CMIP: variants seen among roughly 807,000 people sequenced by gnomAD.
CMIP encodes c-Maf inducing protein, also known as C-Maf-inducing protein.
In CMIP, 13 loss-of-function variants were observed where a neutral mutation model predicts 97.3. The observed-to-expected ratio is 0.13, with a 90% CI of 0.09 to 0.21. CMIP has a LOEUF of 0.21. CMIP is among the 10% of genes least tolerant of loss of function. CMIP has a pLI of 1.00. For synonymous variants in CMIP, 538 were observed against 436.3 expected, an observed-to-expected ratio of 1.23 and a Z score of -2.91; for missense variants, 847 against 1,024.9, an observed-to-expected ratio of 0.83 and a Z score of 2.37.
intron 1 of CMIP, among the ~76,000 whole-genome samples, chr16:81,454,657 G>A (rs747607547): frequency 6.6e-6 from 1 of 152,206 alleles, no homozygotes; most frequent in Non-Finnish European, 1.5e-5. Flanking sequence ...GTGCTCTCAG[G>A]CATGGCACTT....
chr16:81,658,098 C>T (rs1240142891), intron 5 of CMIP, among the ~76,000 whole-genome samples: 1 of 152,186 alleles, frequency 6.6e-6, no homozygotes, highest in Admixed American at 6.5e-5. Flanking sequence ...GAGTTGAAGG[C>T]AGGAGATGGC....
intron 3 of CMIP, among the ~76,000 whole-genome samples, chr16:81,642,851 G>A (rs1186152578): frequency 2.0e-5 from 3 of 152,072 alleles, no homozygotes; most frequent in South Asian, 2.1e-4. Context: ...AGTTGAGATC[G>A]CACCACTGCA....
chr16:81,518,725 G>T (rs1367256539), intron 1 of CMIP: 2 of 152,120 alleles, frequency 1.3e-5, no homozygotes, highest in Admixed American at 1.3e-4. Context: ...AATATAAAAG[G>T]CCAGGTTCAT....
At chr16:81,660,974 G>C in intron 6 of CMIP, 28 bp downstream of exon 6, 1 of 1,613,832 alleles carries the variant, frequency 6.2e-7, no homozygotes, top group Non-Finnish European at 8.5e-7. Flanking sequence ...TGGGGCTGTG[G>C]CTGCAGGAAG....
intron 1 of CMIP, among the ~76,000 whole-genome samples, chr16:81,551,055 C>G (rs2090646296): frequency 6.8e-6 from 1 of 148,026 alleles, no homozygotes; most frequent in Non-Finnish European, 1.5e-5. Context: ...ACACGCACCC[C>G]AGTCCCGTCA....
intron 3 of CMIP, among the ~76,000 whole-genome samples, chr16:81,641,855 G>C (rs1205473785): frequency 6.6e-6 from 1 of 152,188 alleles, no homozygotes; most frequent in Non-Finnish European, 1.5e-5. Context: ...AGGCATAGAG[G>C]TGCTCAGGTT....
chr16:81,454,207 C>T (rs1166840952), intron 1 of CMIP, among the ~76,000 whole-genome samples: 10 of 152,210 alleles, frequency 6.6e-5, no homozygotes, highest in African/African-American at 1.2e-4. Context: ...CGATATTTAT[C>T]GTATCCCTAC....
At chr16:81,485,609 C>T (rs558183901) in intron 1 of CMIP, among the ~76,000 whole-genome samples, 1 of 152,250 alleles carries the variant, frequency 6.6e-6, no homozygotes, top group East Asian at 1.9e-4. Flanking sequence ...AACTGATGGC[C>T]TATTTATTTA....
intron 13 of CMIP, among the ~76,000 whole-genome samples, chr16:81,694,901 T>G (rs1015444465): frequency 5.9e-5 from 9 of 152,354 alleles, no homozygotes; most frequent in Non-Finnish European, 8.8e-5. Flanking sequence ...ATGGTGCTTT[T>G]AAATGTCAGG....
chr16:81,652,876 G>C lies in CMIP; in HGVS notation c.639+512G>C, dbSNP rs1216766674. Among the ~76,000 whole-genome samples the C allele has an allele frequency of 6.6e-6, 1 of 152,146 alleles. No homozygotes were observed. Among genetic ancestry groups the C allele is most frequent in the Non-Finnish European group, 1.5e-5 (1 of 68,030 alleles). ...ATGCCACCCGTCGGCTGGGCCTCCT[G>C]TGCCATCTGCTTTGCTGGCCTCCTC... On this transcript the variant is annotated intron_variant, in intron 4 of 20. Coordinates refer to ENST00000537098, the MANE Select transcript of CMIP (RefSeq NM_198390.3). This position sits in a 1 kb window ranked among gnomAD's most constrained non-coding sequence, Gnocchi z 5.2.
At chr16:81,528,380 T>C (rs1044545436) in intron 1 of CMIP, among the ~76,000 whole-genome samples, 2 of 152,144 alleles carry the variant, frequency 1.3e-5, no homozygotes, top group African/African-American at 4.8e-5. Flanking sequence ...TGGATACATT[T>C]TTAAAAGCTG....
intron 14 of CMIP, among the ~76,000 whole-genome samples, chr16:81,699,221 A>G (rs953774856): frequency 1.3e-5 from 2 of 152,074 alleles, no homozygotes; most frequent in African/African-American, 4.8e-5. Context: ...ACCACTACAC[A>G]CTCCAGCCTG....
intron 17 of CMIP, among the ~76,000 whole-genome samples, chr16:81,702,880 C>T (rs751788409): frequency 1.3e-5 from 2 of 152,128 alleles, no homozygotes; most frequent in Non-Finnish European, 2.9e-5. Flanking sequence ...AAATATGATA[C>T]AGATTGTTGG....
chr16:81,614,213 G>A lies in CMIP; in HGVS notation c.426+6521G>A, dbSNP rs757211436. Among the ~76,000 whole-genome samples the A allele has an allele frequency of 9.9e-5, 15 of 152,158 alleles. No individual in the cohort carries two copies. Among genetic ancestry groups the A allele is most frequent in the Admixed American group, 6.5e-5 (1 of 15,284 alleles). ...GAATGTTCCTGGTGGGGGAGTACAC[G>A]CTGCATGGAAGCCAGTCTGAGAGCA... On this transcript the variant is annotated intron_variant, in intron 2 of 20. Coordinates refer to ENST00000537098, the MANE Select transcript of CMIP (RefSeq NM_198390.3). The surrounding 1 kb of genome is among the most constrained non-coding windows in gnomAD (Gnocchi z 5.3).
chr16:81,603,205 G>A (rs998793996), intron 1 of CMIP, among the ~76,000 whole-genome samples: 6 of 151,918 alleles, frequency 3.9e-5, no homozygotes, highest in East Asian at 1.9e-4. Context: ...TCAGCCTCTC[G>A]AGTAGCTGGG....
At chr16:81,640,766 G>GTA (rs1160256686) in intron 3 of CMIP, among the ~76,000 whole-genome samples, 8 of 144,918 alleles carry the variant, frequency 5.5e-5, no homozygotes, top group Non-Finnish European at 1.1e-4. Context: ...GTGTGTGTGT[G>GTA]TGTGTCTCTC....
intron 1 of CMIP, chr16:81,519,588 C>G: frequency 6.6e-6 from 1 of 152,252 alleles, no homozygotes; most frequent in South Asian, 2.1e-4. Context: ...CTTGGGTCTC[C>G]TACTTCCTGT....
At chr16:81,585,669 A>T (rs1020905998) in intron 1 of CMIP, among the ~76,000 whole-genome samples, 2 of 127,022 alleles carry the variant, frequency 1.6e-5, no homozygotes, top group Non-Finnish European at 3.6e-5. Context: ...CAGACACCGC[A>T]TGGCACAGTA....
Position 81,696,633 on chromosome 16 carries a change from C to T in CMIP, c.1604C>T (p.Ala535Val). The T allele has an allele frequency of 6.2e-7, 1 of 1,607,184 alleles. No individual in the cohort carries two copies. The highest frequency in any genetic ancestry group is 8.5e-7 in the Non-Finnish European group (1 of 1,179,826). The change falls in exon 14 of 21, where the codon GCC becomes GTC. Residue 535 changes from alanine to valine, a missense_variant. Ala to Val is a moderately conservative substitution (Grantham distance 64). This residue lies in a region of CMIP where 266 missense variants were observed against 384.2 expected (regional missense o/e 0.69). Coordinates refer to ENST00000537098, the MANE Select transcript of CMIP (RefSeq NM_198390.3). ...CAGCTCTACAGCCCCGGAGGGGTGG[C>T]CTGCGACGATGACGGGGAGCTGTTC... ...WFQLYSPGGV[A>V]CDDDGELFAS...
Sources: allele counts gnomAD v4.1 joint callset (sites outside exome capture counted in the v4.1 genomes callset), GRCh38; gene constraint gnomAD v4.1.1; regional missense constraint gnomAD v4.1.1; non-coding constraint Gnocchi (gnomAD v3.1); transcripts MANE v1.5; gene names NCBI Gene and HGNC (gene_info 2026-07-23, HGNC 2026-07-21).